PCDHA13: variants seen among roughly 807,000 people sequenced by gnomAD.
PCDHA13 encodes protocadherin alpha-13.
In PCDHA13, 54 loss-of-function variants were observed where a neutral mutation model predicts 64.8. The ratio of observed to expected loss-of-function variants is 0.83; its 90% CI spans 0.67 to 1.04. PCDHA13 has a LOEUF of 1.04. Among genes scored for constraint, PCDHA13 ranks in the 50% least tolerant of loss-of-function variants. The pLI is 0.00. For missense variants in PCDHA13, 1,248 were observed against 1,254.3 expected (o/e 0.99, Z 0.08); for synonymous variants, 587 against 564.4 (o/e 1.04, Z -0.57).
At chr5:140,936,571 C>G (rs2153629502) in intron 1 of PCDHA13, among the ~76,000 whole-genome samples, 1 of 152,342 alleles carries the variant, frequency 6.6e-6, no homozygotes, top group African/African-American at 2.4e-5. Flanking sequence ...ATATTTTCCA[C>G]TTGTAAATCC....
chr5:140,988,299 G>A (rs2097291981), intron 3 of PCDHA13, among the ~76,000 whole-genome samples: 2 of 152,218 alleles, frequency 1.3e-5, no homozygotes, highest in Non-Finnish European at 2.9e-5. Context: ...GCCCAGGAGT[G>A]CCAGCTTGGC....
chr5:140,984,042 T>C (rs2097082521), intron 3 of PCDHA13, among the ~76,000 whole-genome samples: 1 of 152,148 alleles, frequency 6.6e-6, no homozygotes, highest in Non-Finnish European at 1.5e-5. Flanking sequence ...ATAAAATAGT[T>C]CATTGACAAA....
At chr5:140,905,021 G>A (rs1443702216) in intron 1 of PCDHA13, among the ~76,000 whole-genome samples, 1 of 152,078 alleles carries the variant, frequency 6.6e-6, no homozygotes, top group African/African-American at 2.4e-5. Flanking sequence ...TCTTTTCTAT[G>A]CAGAAGCTTT....
intron 1 of PCDHA13, among the ~76,000 whole-genome samples, chr5:140,937,675 G>A (rs2091663642): frequency 6.6e-6 from 1 of 151,688 alleles, no homozygotes; most frequent in Admixed American, 6.6e-5. Flanking sequence ...CACTTTGGGA[G>A]GCTGAGGCAG....
intron 1 of PCDHA13, among the ~76,000 whole-genome samples, chr5:140,937,332 C>T (rs1003482242): frequency 6.3e-4 from 96 of 152,212 alleles, no homozygotes; most frequent in African/African-American, 2.0e-3. Context: ...CCACCGCGCC[C>T]GGCTTCTTCC....
chr5:140,884,610 G>A lies in PCDHA13; in HGVS notation c.2342G>A (p.Gly781Asp), dbSNP rs1554181783. Residue 781 changes from glycine to aspartate, a missense_variant, in exon 1 of 4, where the codon GGT becomes GAT. Physicochemically the swap from Gly to Asp is moderately conservative, Grantham distance 94. Coordinates refer to ENST00000289272, the MANE Select transcript of PCDHA13 (RefSeq NM_018904.3). ...AGTCCCAGCCTTCCTCCTTGTCTGG[G>A]TTCTGCAGAGGGAACAGGCCAGAGG... Reference protein sequence around the residue: ...AFSPSLPPCLGSAEGTGQREE... With the variant: ...AFSPSLPPCLDSAEGTGQREE... 6.2e-7 allele frequency: 1 copy of A among 1,614,138 alleles called. No individual in the cohort carries two copies. The highest frequency in any genetic ancestry group is 1.1e-5 in the South Asian group (1 of 91,084).
intron 1 of PCDHA13, among the ~76,000 whole-genome samples, chr5:140,943,885 T>C (rs762067236): frequency 6.6e-5 from 10 of 152,242 alleles, no homozygotes; most frequent in Non-Finnish European, 1.2e-4. Flanking sequence ...TTCATTGGAC[T>C]GGTCATTATG....
At chr5:140,886,827 GAAAAAAA>G (rs782016620) in intron 1 of PCDHA13, among the ~76,000 whole-genome samples, 7 of 60,890 alleles carry the variant, frequency 1.1e-4, no homozygotes, top group African/African-American at 4.2e-4. Context: ...ACTTCGTCTT[GAAAAAAA>G]AAAAAAAAAA....
chr5:140,896,389 G>C (rs2065520134), intron 1 of PCDHA13, among the ~76,000 whole-genome samples: 1 of 152,124 alleles, frequency 6.6e-6, no homozygotes, highest in East Asian at 1.9e-4. Flanking sequence ...AACCTCACCA[G>C]CATCTGTTAT....
chr5:140,988,184 GGT>G (rs2153871318), intron 3 of PCDHA13, among the ~76,000 whole-genome samples: 1 of 152,246 alleles, frequency 6.6e-6, no homozygotes, highest in East Asian at 1.9e-4. Flanking sequence ...AGTCCTGGGA[GGT>G]GTGTGCATAT....
At chr5:140,915,012 C>T (rs2076943122) in intron 1 of PCDHA13, among the ~76,000 whole-genome samples, 1 of 144,844 alleles carries the variant, frequency 6.9e-6, no homozygotes, top group Non-Finnish European at 1.5e-5. Context: ...GTGGCCTGAT[C>T]TTGGCTCACT....
chr5:141,008,838 G>A (rs555239899), intron 3 of PCDHA13, among the ~76,000 whole-genome samples: 2 of 152,192 alleles, frequency 1.3e-5, no homozygotes, highest in South Asian at 2.1e-4. Context: ...ATCCTCTTAC[G>A]CTGTGTATTC....
At position 140,883,781 on chromosome 5, in the gene PCDHA13, T is replaced by C. The variant is rs1156481556; in HGVS notation, c.1513T>C (p.Ser505Pro). The change falls in exon 1 of 4, where the codon TCG becomes CCG. Residue 505 changes from serine to proline, a missense_variant. Transcript: ENST00000289272. ...GCGGCGGGTGGGCGAGCGTGCGCTG[T>C]CGAGCTACGTGTCGGTGCACGCGGA... ...VERRVGERAL[S>P]SYVSVHAESG... The C allele has an allele frequency of 6.2e-7, 1 of 1,612,432 alleles. No homozygotes were observed. Among genetic ancestry groups the C allele is most frequent in the Non-Finnish European group, 8.5e-7 (1 of 1,179,724 alleles).
chr5:140,966,176 T>G (rs2095977016), intron 1 of PCDHA13: 1 of 188,102 alleles, frequency 5.3e-6, no homozygotes, highest in African/African-American at 2.3e-5. Context: ...CCTGGGGAGC[T>G]GATAGCCAGA....
chr5:141,010,612 A>C lies in PCDHA13; in HGVS notation c.*675A>C. Reference sequence around the variant, plus strand: ...GTTGGCTGTGACGTCATTATACCTAAAATCTGCATCATACCTGCAAGCCAA... The same window carrying C: ...GTTGGCTGTGACGTCATTATACCTACAATCTGCATCATACCTGCAAGCCAA... On this transcript the variant is annotated 3_prime_UTR_variant, in exon 4 of 4. Transcript: ENST00000289272. 1 of 196,976 alleles carries C rather than the reference A, an allele frequency of 5.1e-6. No individual in the cohort carries two copies. The highest frequency in any genetic ancestry group is 1.0e-5 in the Non-Finnish European group (1 of 95,484). 12.2% of individuals were successfully genotyped at this position (196,976 alleles called of 1,614,324 possible). A position where few individuals can be genotyped will look rare whatever the true frequency, so the allele number is the denominator to read the frequency against.
chr5:140,894,956 A>T (rs2064745767), intron 1 of PCDHA13, among the ~76,000 whole-genome samples: 1 of 152,208 alleles, frequency 6.6e-6, no homozygotes, highest in South Asian at 2.1e-4. Context: ...AATGATAAAA[A>T]TATAATTTTT....
At chr5:140,913,896 C>T (rs1440194616) in intron 1 of PCDHA13, among the ~76,000 whole-genome samples, 5 of 152,018 alleles carry the variant, frequency 3.3e-5, no homozygotes, top group African/African-American at 7.2e-5. Context: ...TCCAAAATTC[C>T]CCTTTTTTAT....
At chr5:140,975,304 G>A (rs1395392874) in intron 1 of PCDHA13, among the ~76,000 whole-genome samples, 2 of 152,200 alleles carry the variant, frequency 1.3e-5, no homozygotes, top group African/African-American at 2.4e-5. Context: ...AAGAGCTCAT[G>A]TGATTATGTC....
At chr5:140,907,134 C>A (rs1167927748) in intron 1 of PCDHA13, among the ~76,000 whole-genome samples, 1 of 152,112 alleles carries the variant, frequency 6.6e-6, no homozygotes, top group Non-Finnish European at 1.5e-5. Flanking sequence ...CCTGTGAATT[C>A]CGGCTATGGG....
Sources: allele counts gnomAD v4.1 joint callset (sites outside exome capture counted in the v4.1 genomes callset), GRCh38; gene constraint gnomAD v4.1.1; transcripts MANE v1.5; gene names NCBI Gene and HGNC (gene_info 2026-07-23, HGNC 2026-07-21).